SLC24A2: variants seen among roughly 807,000 people sequenced by gnomAD.
The protein encoded by SLC24A2 is solute carrier family 24 member 2, also known as sodium/potassium/calcium exchanger 2.
A neutral mutation model predicts 62.0 loss-of-function variants in SLC24A2; 36 were observed. The ratio of observed to expected loss-of-function variants is 0.58; its 90% CI spans 0.44 to 0.77. SLC24A2 has a LOEUF of 0.77. Among genes scored for constraint, SLC24A2 ranks in the 30% least tolerant of loss-of-function variants. SLC24A2 has a pLI of 0.00. For missense variants in SLC24A2, 846 were observed against 817.9 expected (o/e 1.03, Z -0.42); for synonymous variants, 358 against 294.0 (o/e 1.22, Z -2.23).
the SLC24A2 span, among the ~76,000 whole-genome samples, chr9:20,208,414 A>C: frequency 2.0e-5 from 3 of 152,212 alleles, no homozygotes; most frequent in Non-Finnish European, 2.9e-5. Flanking sequence ...GATATGCAGA[A>C]CCATGATTCC....
chr9:19,730,850 T>C (rs572671927), intron 2 of SLC24A2, among the ~76,000 whole-genome samples: 41 of 151,772 alleles, frequency 2.7e-4, no homozygotes, highest in Middle Eastern at 6.8e-3. Flanking sequence ...CTCCTACTCC[T>C]TTCTACACTT....
At chr9:19,693,261 T>A (rs959969347) in intron 2 of SLC24A2, among the ~76,000 whole-genome samples, 30 of 152,134 alleles carry the variant, frequency 2.0e-4, no homozygotes, top group Admixed American at 2.0e-3. Context: ...GTGGCACTAT[T>A]CACAATAGCA....
chr9:19,898,068 G>T, the SLC24A2 span, among the ~76,000 whole-genome samples: 106 of 152,346 alleles, frequency 7.0e-4, no homozygotes, highest in African/African-American at 2.4e-3. Flanking sequence ...GGCCTGGCTG[G>T]AGGAGGGAAT....
At chr9:20,008,348 C>G in the SLC24A2 span, among the ~76,000 whole-genome samples, 3 of 152,270 alleles carry the variant, frequency 2.0e-5, no homozygotes, top group South Asian at 6.2e-4. Flanking sequence ...TGTCTTTGGA[C>G]TCACTCTGTC....
the SLC24A2 span, among the ~76,000 whole-genome samples, chr9:20,077,842 G>A: frequency 6.6e-6 from 1 of 151,838 alleles, no homozygotes; most frequent in Non-Finnish European, 1.5e-5. Flanking sequence ...ACCCGCGATA[G>A]TGAAAAAAAA....
chr9:19,669,395 C>T (rs1819349100), intron 2 of SLC24A2, among the ~76,000 whole-genome samples: 1 of 152,174 alleles, frequency 6.6e-6, no homozygotes, highest in South Asian at 2.1e-4. Context: ...GGTAGTCTCA[C>T]AAAACACAGA....
At chr9:20,254,451 C>T in the SLC24A2 span, among the ~76,000 whole-genome samples, 8 of 152,216 alleles carry the variant, frequency 5.3e-5, no homozygotes, top group East Asian at 1.3e-3. Flanking sequence ...AATAGCAACA[C>T]ATGCCAGGCA....
rs1564009518 is a variant in SLC24A2, at chr9:19,636,300, TTTTCTTTTCTTTTCTTTTCTTTCTTTC to T, written c.931-14028_931-14002del. The stretch of plus-strand genomic sequence containing the variant: ...TCTCTTCTTCTCTTCTTTTCTTTTC[TTTTCTTTTCTTTTCTTTTCTTTCTTTC>T]TTTCTTTCTTTCTTTCTTTCTTTCT... On this transcript the variant is annotated intron_variant, in intron 2 of 10. Coordinates refer to ENST00000341998, the MANE Select transcript of SLC24A2 (RefSeq NM_020344.4). Among the ~76,000 whole-genome samples the T allele has an allele frequency of 9.9e-4, 46 of 46,630 alleles. 4 individuals carry two copies. Among genetic ancestry groups the T allele is most frequent in the Middle Eastern group, 9.1e-3 (1 of 110 alleles). The allele number at this position is 46,630 out of a possible 152,430, so 30.6% of individuals were successfully genotyped here. A position where few individuals can be genotyped will look rare whatever the true frequency, so the allele number is the denominator to read the frequency against.
the SLC24A2 span, among the ~76,000 whole-genome samples, chr9:20,268,179 C>G: frequency 1.3e-5 from 2 of 152,180 alleles, no homozygotes; most frequent in African/African-American, 2.4e-5. Context: ...CTCTCACGCT[C>G]AGGTGTGAGT....
the SLC24A2 span, among the ~76,000 whole-genome samples, chr9:20,051,657 C>CTCTCTTTTTTTTTTTTTTTTTTT: frequency 1.1e-4 from 8 of 73,510 alleles, no homozygotes; most frequent in African/African-American, 3.0e-4. Context: ...TTTTCTTTCT[C>CTCTCTTTTTTTTTTTTTTTTTTT]TTTTTTTTTT....
At chr9:19,973,458 A>G in the SLC24A2 span, among the ~76,000 whole-genome samples, 3 of 152,244 alleles carry the variant, frequency 2.0e-5, no homozygotes, top group African/African-American at 7.2e-5. Context: ...ATCATCTGTT[A>G]AAAGAAAATC....
the SLC24A2 span, among the ~76,000 whole-genome samples, chr9:20,131,922 G>C: frequency 6.6e-6 from 1 of 152,070 alleles, no homozygotes; most frequent in East Asian, 1.9e-4. Flanking sequence ...CTGTGCTTTG[G>C]GAATAATTTG....
the SLC24A2 span, among the ~76,000 whole-genome samples, chr9:20,228,745 C>A: frequency 6.6e-6 from 1 of 152,072 alleles, no homozygotes; most frequent in Non-Finnish European, 1.5e-5. Flanking sequence ...CCAGCCTGTG[C>A]CTTCCTAATC....
intron 2 of SLC24A2, among the ~76,000 whole-genome samples, chr9:19,756,701 G>A (rs1351150669): frequency 6.6e-6 from 1 of 152,050 alleles, no homozygotes; most frequent in African/African-American, 2.4e-5. Context: ...CTAAAAACCA[G>A]ATTTTGTCTG....
At chr9:19,784,071 G>T (rs1193324480) in intron 2 of SLC24A2, among the ~76,000 whole-genome samples, 1 of 152,098 alleles carries the variant, frequency 6.6e-6, no homozygotes, top group Non-Finnish European at 1.5e-5. Flanking sequence ...AATAACAAGG[G>T]TTAAGGGATG....
chr9:20,046,598 G>C, the SLC24A2 span, among the ~76,000 whole-genome samples: 1 of 152,116 alleles, frequency 6.6e-6, no homozygotes, highest in Non-Finnish European at 1.5e-5. Flanking sequence ...CAATGTGTTC[G>C]GGGGGCAGTA....
chr9:20,213,487 G>A, the SLC24A2 span, among the ~76,000 whole-genome samples: 3 of 148,662 alleles, frequency 2.0e-5, no homozygotes, highest in Non-Finnish European at 4.4e-5. Flanking sequence ...AGATTTACAA[G>A]CCTAAAAGGT....
At chr9:19,755,022 C>A (rs1036251367) in intron 2 of SLC24A2, among the ~76,000 whole-genome samples, 27 of 152,226 alleles carry the variant, frequency 1.8e-4, no homozygotes, top group African/African-American at 6.5e-4. Context: ...ACCTCTCTAA[C>A]CTTCTGAGCA....
the SLC24A2 span, among the ~76,000 whole-genome samples, chr9:19,959,525 A>C: frequency 4.6e-5 from 7 of 152,200 alleles, no homozygotes; most frequent in African/African-American, 1.7e-4. Flanking sequence ...ACCTTTTGAA[A>C]ACTCTTACTG....
Sources: allele counts gnomAD v4.1 joint callset (sites outside exome capture counted in the v4.1 genomes callset), GRCh38; gene constraint gnomAD v4.1.1; transcripts MANE v1.5; gene names NCBI Gene and HGNC (gene_info 2026-07-23, HGNC 2026-07-21).